SP140: variants seen among roughly 807,000 people sequenced by gnomAD.
SP140 encodes SP140 nuclear body protein, also known as nuclear body protein SP140.
A neutral mutation model predicts 125.0 loss-of-function variants in SP140; 81 were observed. The observed-to-expected ratio is 0.65, with a 90% CI of 0.54 to 0.78. SP140 has a LOEUF of 0.78. Ranked by LOEUF, SP140 falls within the 30% of genes least tolerant of loss-of-function variation. The probability of loss-of-function intolerance (pLI) is 0.00; values close to 1 mark genes in which losing one functional copy is unlikely to be tolerated. For missense variants in SP140, 858 were observed against 1,037.0 expected (o/e 0.83, Z 2.37); for synonymous variants, 312 against 354.0 (o/e 0.88, Z 1.33).
rs369706015 is a variant in SP140 at position 230,292,192 on chromosome 2, G to A, written c.1826-454G>A. Among the ~76,000 whole-genome samples the A allele has an allele frequency of 3.3e-5, 5 of 152,198 alleles. No individual in the cohort carries two copies. In the South Asian group the frequency reaches 8.3e-4, roughly 25 times the overall value. ...TTATAATTGAGAGTGCAGATGTTGC[G>A]GGAGTGACCCCCTGAGCCACAGGGC... is the stretch of plus-strand genomic sequence containing the variant. On this transcript the variant is annotated intron_variant, in intron 19 of 26. Coordinates refer to ENST00000392045, the MANE Select transcript of SP140 (RefSeq NM_007237.5).
At chr2:230,314,799 AG>A (rs1021103934), downstream of SP140, among the ~76,000 whole-genome samples, 4 of 152,218 alleles carry the variant, frequency 2.6e-5, no homozygotes, top group African/African-American at 4.8e-5. Flanking sequence ...TGCACTGCTG[AG>A]GGGGCAGCAC....
intron 15 of SP140, among the ~76,000 whole-genome samples, chr2:230,283,787 C>G (rs1415611526): frequency 1.3e-5 from 2 of 152,198 alleles, no homozygotes; most frequent in Non-Finnish European, 2.9e-5. Flanking sequence ...TTTCTGGGGT[C>G]ACCATAGCGT....
chr2:230,275,059 T>A (rs2054513281), intron 15 of SP140, among the ~76,000 whole-genome samples: 1 of 152,190 alleles, frequency 6.6e-6, no homozygotes, highest in African/African-American at 2.4e-5. Flanking sequence ...CATTTTTGTT[T>A]CTTCTCCTAC....
chr2:230,188,137 T>C, the SP140 span, among the ~76,000 whole-genome samples: 1 of 152,230 alleles, frequency 6.6e-6, no homozygotes, highest in Non-Finnish European at 1.5e-5. Flanking sequence ...TGTGTTTCTA[T>C]ATGTTTGTGT....
chr2:230,272,185 T>G (rs548718744), intron 15 of SP140, among the ~76,000 whole-genome samples: 1 of 152,288 alleles, frequency 6.6e-6, no homozygotes, highest in East Asian at 1.9e-4. Flanking sequence ...AAGCTACCAT[T>G]GACATTCCTC....
intron 19 of SP140, 99 bp from the exon 20 acceptor site, chr2:230,292,547 A>T (rs1283839807): frequency 6.7e-7 from 1 of 1,490,552 alleles, no homozygotes; most frequent in African/African-American, 1.4e-5. Flanking sequence ...ATTGATCTGC[A>T]TCACAAATTG....
chr2:230,280,537 C>A (rs887954477), intron 15 of SP140, among the ~76,000 whole-genome samples: 6 of 152,040 alleles, frequency 3.9e-5, no homozygotes, highest in African/African-American at 1.4e-4. Context: ...GTTGACCATT[C>A]TCTATTTGTA....
intron 13 of SP140, 103 bp downstream of exon 13, chr2:230,269,721 G>T: frequency 1.9e-6 from 2 of 1,053,906 alleles, no homozygotes; most frequent in South Asian, 1.5e-5. Flanking sequence ...ATAAGGAGGA[G>T]CAGTGAAAGG....
At chr2:230,284,892 GTTCA>G (rs1309862066) in intron 16 of SP140, among the ~76,000 whole-genome samples, 1 of 152,086 alleles carries the variant, frequency 6.6e-6, no homozygotes, top group Admixed American at 6.6e-5. Context: ...ATAGATGGCA[GTTCA>G]TTCATAAAAA....
the SP140 span, among the ~76,000 whole-genome samples, chr2:230,191,980 C>T: frequency 2.6e-5 from 4 of 152,146 alleles, no homozygotes; most frequent in Non-Finnish European, 4.4e-5. Flanking sequence ...GTTGGTTCAA[C>T]ATACACAAAT....
chr2:230,253,975 G>A (rs139693766), intron 11 of SP140, among the ~76,000 whole-genome samples: 17 of 152,168 alleles, frequency 1.1e-4, no homozygotes, highest in African/African-American at 3.4e-4. Context: ...ATATAAAATC[G>A]TGGACATTTT....
At chr2:230,198,850 G>A (rs1294179659), upstream of SP140, among the ~76,000 whole-genome samples, 1 of 152,024 alleles carries the variant, frequency 6.6e-6, no homozygotes. Context: ...CACCCACCTC[G>A]GCCTCCCAAT....
At chr2:230,253,885 C>T (rs916562427) in intron 11 of SP140, among the ~76,000 whole-genome samples, 4 of 152,110 alleles carry the variant, frequency 2.6e-5, no homozygotes, top group Admixed American at 6.6e-5. Flanking sequence ...ACAAGCAAAG[C>T]GTATGCAGTT....
Position 230,269,845 on chromosome 2 carries a change from C to A in SP140, c.1336C>A (p.Gln446Lys). 3 of 1,613,324 alleles carry A rather than the reference C, an allele frequency of 1.9e-6. No homozygotes were observed. Among genetic ancestry groups the A allele is most frequent in the Middle Eastern group, 3.3e-4 (2 of 6,056 alleles). The change falls in exon 14 of 27, where the codon CAA becomes AAA. Residue 446 changes from glutamine to lysine, a missense_variant. By Grantham distance (53) the Gln-to-Lys change is moderately conservative (BLOSUM62 1). Coordinates refer to ENST00000392045, the MANE Select transcript of SP140 (RefSeq NM_007237.5). The part of the protein sequence containing the change: ...LLYDNVPGAE[Q>K]SAYENEKCSC... ...TCACAATTTTGGCCCAGGAGCGGAG[C>A]AATCAGCATATGAAAATGAGAAGTG... is the stretch of plus-strand genomic sequence containing the variant.
chr2:230,299,665 T>A (rs958155205), intron 22 of SP140, among the ~76,000 whole-genome samples: 2 of 151,970 alleles, frequency 1.3e-5, no homozygotes, highest in African/African-American at 4.8e-5. Context: ...AGGGGTGAGA[T>A]CTGAAAGCCC....
chr2:230,308,585 G>A (rs993532433), intron 22 of SP140, among the ~76,000 whole-genome samples: 4 of 152,220 alleles, frequency 2.6e-5, no homozygotes, highest in African/African-American at 9.6e-5. Flanking sequence ...GGCCACATGG[G>A]GGCTGCGCTC....
chr2:230,208,551 G>A (rs1398627118), intron 1 of SP140, among the ~76,000 whole-genome samples: 1 of 152,160 alleles, frequency 6.6e-6, no homozygotes, highest in Non-Finnish European at 1.5e-5. Flanking sequence ...GCACAAATAA[G>A]GGGATTCTCA....
At chr2:230,310,374 A>G (rs1225717047) in intron 23 of SP140, 1 of 487,776 alleles carries the variant, frequency 2.1e-6, no homozygotes, top group African/African-American at 1.9e-5. Flanking sequence ...TTATTCATAC[A>G]AGACAGGAAG....
chr2:230,262,600 C>T (rs1429538495), intron 12 of SP140, among the ~76,000 whole-genome samples: 3 of 152,086 alleles, frequency 2.0e-5, no homozygotes, highest in African/African-American at 7.2e-5. Context: ...CATGAACTTT[C>T]CTCTTAGCAC....
Sources: allele counts gnomAD v4.1 joint callset (sites outside exome capture counted in the v4.1 genomes callset), GRCh38; gene constraint gnomAD v4.1.1; transcripts MANE v1.5; gene names NCBI Gene and HGNC (gene_info 2026-07-23, HGNC 2026-07-21).